Variants in KLF12 observed in about 807,000 individuals in gnomAD.
The protein encoded by KLF12 is Krueppel-like factor 12.
In KLF12, 9 loss-of-function variants were observed where a neutral mutation model predicts 37.8. That is an observed-to-expected ratio of 0.24 (90% CI 0.14 to 0.42). The LOEUF is 0.42. Ranked by LOEUF, KLF12 falls within the 10% of genes least tolerant of loss-of-function variation. The pLI, the probability that KLF12 is intolerant of heterozygous loss-of-function variation, is 1.00. For synonymous variants in KLF12, 208 were observed against 202.1 expected (o/e 1.03, Z -0.25); for missense variants, 411 against 516.0 (o/e 0.80, Z 1.97).
chr13:74,047,335 T>C (rs1893572660), intron 1 of KLF12, among the ~76,000 whole-genome samples: 1 of 151,854 alleles, frequency 6.6e-6, no homozygotes, highest in Non-Finnish European at 1.5e-5. Flanking sequence ...CTCACCCCTA[T>C]AATCCCAGCA....
intron 2 of KLF12, among the ~76,000 whole-genome samples, chr13:73,961,349 C>T (rs1891016237): frequency 6.6e-6 from 1 of 152,092 alleles, no homozygotes; most frequent in Non-Finnish European, 1.5e-5. Context: ...GTAGCCACTC[C>T]ATCCTAACAA....
the KLF12 span, among the ~76,000 whole-genome samples, chr13:74,252,628 A>G: frequency 6.6e-6 from 1 of 152,212 alleles, no homozygotes; most frequent in Non-Finnish European, 1.5e-5. Context: ...ATAGGCATTG[A>G]ACTCAGTGGC....
chr13:74,186,058 T>C, the KLF12 span, among the ~76,000 whole-genome samples: 1 of 152,156 alleles, frequency 6.6e-6, no homozygotes, highest in Non-Finnish European at 1.5e-5. Context: ...TTTAGAGTAC[T>C]GAGGGTTTTA....
At chr13:73,760,163 G>T (rs767599107) in intron 6 of KLF12, among the ~76,000 whole-genome samples, 1 of 152,178 alleles carries the variant, frequency 6.6e-6, no homozygotes, top group African/African-American at 2.4e-5. Context: ...ATCATAATTT[G>T]CATAGAGACC....
intron 5 of KLF12, among the ~76,000 whole-genome samples, chr13:73,790,411 A>G (rs1456384456): frequency 6.6e-6 from 1 of 152,228 alleles, no homozygotes; most frequent in African/African-American, 2.4e-5. Flanking sequence ...TATATTTGTT[A>G]TAATTTTATT....
chr13:74,050,205 A>T (rs971208631), intron 1 of KLF12, among the ~76,000 whole-genome samples: 5 of 152,234 alleles, frequency 3.3e-5, no homozygotes, highest in African/African-American at 1.2e-4. Context: ...TGGGAATCTT[A>T]ATGGCATCCC....
intron 2 of KLF12, among the ~76,000 whole-genome samples, chr13:73,951,336 G>A (rs999408819): frequency 6.6e-5 from 10 of 151,996 alleles, no homozygotes; most frequent in African/African-American, 1.7e-4. Flanking sequence ...TCATTTAATC[G>A]CACATCAACT....
At chr13:73,809,243 C>G (rs993859782) in intron 5 of KLF12, among the ~76,000 whole-genome samples, 14 of 152,162 alleles carry the variant, frequency 9.2e-5, no homozygotes, top group Non-Finnish European at 2.1e-4. Context: ...ACATGCTAAT[C>G]TGACATTTTA....
intron 1 of KLF12, among the ~76,000 whole-genome samples, chr13:74,008,341 CTT>C (rs915804626): frequency 2.0e-5 from 3 of 152,162 alleles, no homozygotes; most frequent in African/African-American, 7.2e-5. Flanking sequence ...ATGAGCCACT[CTT>C]GTTTGGAGGA....
chr13:74,166,088 T>G, the KLF12 span, among the ~76,000 whole-genome samples: 1 of 6,068 alleles, frequency 1.6e-4, no homozygotes, highest in Admixed American at 2.5e-3. Context: ...CATAAACACC[T>G]TTTTTTTTTT....
upstream of KLF12, among the ~76,000 whole-genome samples, chr13:74,135,602 C>T (rs1375775891): frequency 6.6e-6 from 1 of 150,956 alleles, no homozygotes; most frequent in Non-Finnish European, 1.5e-5. Context: ...GCCGGGCGGG[C>T]GGGGCGCGCG....
intron 2 of KLF12, among the ~76,000 whole-genome samples, chr13:73,954,651 T>A (rs1451086813): frequency 6.6e-6 from 1 of 152,174 alleles, no homozygotes; most frequent in Non-Finnish European, 1.5e-5. Context: ...CTTTCCTCTT[T>A]TTCCCACCAA....
At chr13:74,220,668 C>T in the KLF12 span, among the ~76,000 whole-genome samples, 31,033 of 152,102 alleles carry the variant, frequency 0.2, 4,118 homozygotes, top group African/African-American at 0.38. Flanking sequence ...CGATCAACAT[C>T]TCCCTGGTCT....
intron 3 of KLF12, 55 bp downstream of exon 3, chr13:73,943,926 G>A: frequency 9.3e-7 from 1 of 1,078,012 alleles, no homozygotes; most frequent in South Asian, 1.3e-5. Flanking sequence ...ATGCTCTGCA[G>A]AAGAATGCCA....
At chr13:74,254,467 A>C in the KLF12 span, among the ~76,000 whole-genome samples, 1 of 152,196 alleles carries the variant, frequency 6.6e-6, no homozygotes, top group East Asian at 1.9e-4. Flanking sequence ...AGAACAACCC[A>C]ATAAGGCAGG....
At chr13:74,036,009 C>G (rs1893235798) in intron 1 of KLF12, among the ~76,000 whole-genome samples, 1 of 152,154 alleles carries the variant, frequency 6.6e-6, no homozygotes, top group African/African-American at 2.4e-5. Context: ...GGATGTCTGA[C>G]CGGTCCAGTG....
chr13:74,237,929 A>C, the KLF12 span, among the ~76,000 whole-genome samples: 4 of 151,526 alleles, frequency 2.6e-5, no homozygotes, highest in African/African-American at 7.3e-5. Flanking sequence ...AATACCCTTT[A>C]TTTCCTTCTC....
chr13:74,148,022 A>G, the KLF12 span, among the ~76,000 whole-genome samples: 10 of 151,424 alleles, frequency 6.6e-5, no homozygotes, highest in Admixed American at 6.6e-4. Flanking sequence ...AACGATTCTC[A>G]TGTCTCAACC....
chr13:73,740,671 T>G (rs1877906336), intron 6 of KLF12, among the ~76,000 whole-genome samples: 1 of 152,216 alleles, frequency 6.6e-6, no homozygotes, highest in African/African-American at 2.4e-5. Context: ...AATTCTTGAT[T>G]TATTTTTTCA....
Sources: allele counts gnomAD v4.1 joint callset (sites outside exome capture counted in the v4.1 genomes callset), GRCh38; gene constraint gnomAD v4.1.1; transcripts MANE v1.5; gene names NCBI Gene and HGNC (gene_info 2026-07-23, HGNC 2026-07-21).